The following PPM1L variants were observed in gnomAD, a reference collection of about 807,000 sequenced individuals.
PPM1L encodes the protein protein phosphatase 1L.
Under a neutral mutation model 31.4 loss-of-function variants are expected in PPM1L, and 13 were observed. The ratio of observed to expected loss-of-function variants is 0.41; its 90% confidence interval spans 0.27 to 0.66. The LOEUF (loss-of-function observed/expected upper bound fraction) is 0.66, where lower values mean the gene tolerates loss of function less well. PPM1L is among the 30% of genes least tolerant of loss of function. The pLI is 0.29. For synonymous variants in PPM1L, 184 were observed against 175.4 expected (o/e 1.05, Z -0.39); for missense variants, 326 against 453.7 (o/e 0.72, Z 2.56).
chr3:160,953,780 C>T (rs905294419), intron 1 of PPM1L, among the ~76,000 whole-genome samples: 2 of 152,116 alleles, frequency 1.3e-5, no homozygotes, highest in African/African-American at 4.8e-5. Flanking sequence ...AGTTTTCAGG[C>T]TTACTGTTAA....
chr3:161,058,094 T>C (rs572481035), intron 2 of PPM1L, among the ~76,000 whole-genome samples: 2 of 149,296 alleles, frequency 1.3e-5, no homozygotes, highest in Non-Finnish European at 3.0e-5. Flanking sequence ...TAAAATACTT[T>C]AGTAGGGTCC....
chr3:160,800,427 T>G lies in PPM1L; in HGVS notation c.399+43720T>G, dbSNP rs184512199. On this transcript the variant is annotated intron_variant, in intron 1 of 3. Transcript: ENST00000498165. Reference sequence around the variant, plus strand: ...CCCAAATCCCCTATTCTGAGAAGCATTAATACTTTTTTTAATGGAGAAATT... The same window carrying G: ...CCCAAATCCCCTATTCTGAGAAGCAGTAATACTTTTTTTAATGGAGAAATT... Among the ~76,000 whole-genome samples the G allele has an allele frequency of 8.6e-3, 1,317 of 152,272 alleles. 25 individuals carry two copies. Among genetic ancestry groups the G allele is most frequent in the African/African-American group, 0.03 (1,260 of 41,560 alleles).
At position 160,845,933 on chromosome 3, in the gene PPM1L, G is replaced by GA. The variant is rs1242940802; in HGVS notation, c.399+89231dup. Among the ~76,000 whole-genome samples, 17 of 151,990 alleles carry GA rather than the reference G, an allele frequency of 1.1e-4. No homozygotes were observed. In the South Asian group the frequency reaches 2.5e-3, roughly 22 times the overall value. Reference sequence around the variant, plus strand: ...TCCACTTTATTTAGACTTTAAAGAAGAAAAATAAATAGAAAGTAGAAATAT... The same window carrying GA: ...TCCACTTTATTTAGACTTTAAAGAAGAAAAAATAAATAGAAAGTAGAAATAT... On this transcript the variant is annotated intron_variant, in intron 1 of 3. Transcript: ENST00000498165.
In PPM1L at chr3:160,912,998, A is replaced by T. The variant is rs186700480; in HGVS notation, c.400-48738A>T. Among the ~76,000 whole-genome samples the T allele has an allele frequency of 2.4e-4, 37 of 152,308 alleles. No homozygotes were observed. In the East Asian group the frequency reaches 5.4e-3, roughly 22 times the overall value. On this transcript the variant is annotated intron_variant, in intron 1 of 3. Transcript: ENST00000498165. ...TGAGTTGTTCATTTGGTGGCATTACATACTGTGATGGGGTAAGATGAATAT... is the reference window on the plus strand; with the variant it reads ...TGAGTTGTTCATTTGGTGGCATTACTTACTGTGATGGGGTAAGATGAATAT...
intron 2 of PPM1L, among the ~76,000 whole-genome samples, chr3:161,045,771 C>T (rs186866289): frequency 2.6e-5 from 4 of 152,162 alleles, no homozygotes; most frequent in Admixed American, 6.5e-5. Flanking sequence ...TAACTAAGAT[C>T]AGAGTAGAAC....
At chr3:160,932,564 C>T (rs913823252) in intron 1 of PPM1L, among the ~76,000 whole-genome samples, 2 of 152,084 alleles carry the variant, frequency 1.3e-5, no homozygotes, top group South Asian at 4.1e-4. Flanking sequence ...TTTAAATGAT[C>T]AAAATCTTCA....
At position 161,071,976 on chromosome 3, in the gene PPM1L, T is replaced by G. The variant is rs2108115938; in HGVS notation, c.*2819T>G. 1 of 152,302 alleles carries G rather than the reference T, an allele frequency of 6.6e-6. No homozygotes were observed. The allele number at this position is 152,302 out of a possible 1,614,324, so 9.4% of individuals were successfully genotyped here. On this transcript the variant is annotated 3_prime_UTR_variant, in exon 4 of 4. Coordinates refer to ENST00000498165, the MANE Select transcript of PPM1L (RefSeq NM_139245.4). Reference sequence around the variant, plus strand: ...CAATAGTCCCCATGGTGCCAAATTTTGGGATGGTTTTACAGTCTTTTAGAA... The same window carrying G: ...CAATAGTCCCCATGGTGCCAAATTTGGGGATGGTTTTACAGTCTTTTAGAA...
intron 1 of PPM1L, among the ~76,000 whole-genome samples, chr3:160,960,304 T>C (rs1559904186): frequency 6.6e-6 from 1 of 152,194 alleles, no homozygotes. Flanking sequence ...TTATATAGTG[T>C]TCAAATCAAG....
chr3:161,065,800 A>T lies in PPM1L; in HGVS notation c.736+236A>T, dbSNP rs1284515462. ...AAGCCCATTTCCAGTTTAAAGGCTA[A>T]TAAGATCTTTGGGCCCCGGGTTCTC... On this transcript the variant is annotated intron_variant, in intron 3 of 3. Coordinates refer to ENST00000498165, the MANE Select transcript of PPM1L (RefSeq NM_139245.4). 2.6e-5 allele frequency among the ~76,000 whole-genome samples: 4 copies of T among 152,234 alleles called. No individual in the cohort carries two copies. In the East Asian group the frequency reaches 7.7e-4, roughly 29 times the overall value.
intron 1 of PPM1L, among the ~76,000 whole-genome samples, chr3:160,768,590 T>C (rs963916512): frequency 6.6e-6 from 1 of 152,150 alleles, no homozygotes; most frequent in African/African-American, 2.4e-5. Context: ...AGATAATCAG[T>C]AGTGGCTCCT....
rs1323031057 is a variant in PPM1L, at chr3:161,074,794, A to G, written c.*5637A>G. The stretch of plus-strand genomic sequence containing the variant: ...AATCCAAGTTAAGGACTTTGAGGAG[A>G]GCATGTAGCAAGTATTCATTTTAAC... On this transcript the variant is annotated 3_prime_UTR_variant, in exon 4 of 4. Transcript: ENST00000498165. 4 of 152,184 alleles carry G rather than the reference A, an allele frequency of 2.6e-5. No individual in the cohort carries two copies. Among genetic ancestry groups the G allele is most frequent in the African/African-American group, 9.7e-5 (4 of 41,440 alleles). 9.4% of individuals were successfully genotyped at this position (152,184 alleles called of 1,614,324 possible). A position where few individuals can be genotyped will look rare whatever the true frequency, so the allele number is the denominator to read the frequency against.
intron 1 of PPM1L, among the ~76,000 whole-genome samples, chr3:160,843,429 TA>T (rs1713962094): frequency 2.4e-5 from 1 of 42,520 alleles, no homozygotes; most frequent in African/African-American, 1.1e-4. Context: ...AATTCTTTTA[TA>T]TATATATATA....
chr3:161,043,709 G>A (rs1372575094), intron 2 of PPM1L, among the ~76,000 whole-genome samples: 2 of 152,158 alleles, frequency 1.3e-5, no homozygotes, highest in Non-Finnish European at 2.9e-5. Context: ...GGACCCTTGG[G>A]AGAAGTGTTT....
intron 2 of PPM1L, among the ~76,000 whole-genome samples, chr3:161,043,019 CAAAA>C (rs746897902): frequency 3.7e-5 from 4 of 107,508 alleles, no homozygotes; most frequent in South Asian, 6.3e-4. Context: ...GATTCTGTCT[CAAAA>C]AAAAAAAAAA....
chr3:161,043,770 T>C (rs1718976308), intron 2 of PPM1L, among the ~76,000 whole-genome samples: 1 of 152,216 alleles, frequency 6.6e-6, no homozygotes, highest in Admixed American at 6.5e-5. Flanking sequence ...TCTGATGCAC[T>C]GGAAACATTG....
intron 2 of PPM1L, among the ~76,000 whole-genome samples, chr3:160,984,362 C>T (rs1716897631): frequency 6.6e-6 from 1 of 152,196 alleles, no homozygotes; most frequent in South Asian, 2.1e-4. Flanking sequence ...AGCCCACAGG[C>T]AGCCAGACTT....
intron 3 of PPM1L, among the ~76,000 whole-genome samples, chr3:161,068,588 T>C (rs923407293): frequency 1.3e-5 from 2 of 152,206 alleles, no homozygotes; most frequent in African/African-American, 2.4e-5. Flanking sequence ...CTTATTGATA[T>C]ATTATTGAAA....
chr3:160,786,315 T>C (rs1301529586), intron 1 of PPM1L, among the ~76,000 whole-genome samples: 1 of 147,508 alleles, frequency 6.8e-6, no homozygotes, highest in African/African-American at 2.5e-5. Context: ...CCTCTCGAGT[T>C]CAAGCGATTC....
At chr3:160,962,436 T>C (rs1016291208) in intron 2 of PPM1L, among the ~76,000 whole-genome samples, 1 of 152,184 alleles carries the variant, frequency 6.6e-6, no homozygotes, top group African/African-American at 2.4e-5. Context: ...GAACTCCTTA[T>C]AACATTATTT....
Sources: allele counts gnomAD v4.1 joint callset (sites outside exome capture counted in the v4.1 genomes callset), GRCh38; gene constraint gnomAD v4.1.1; transcripts MANE v1.5; gene names NCBI Gene and HGNC (gene_info 2026-07-23, HGNC 2026-07-21).